AGBL1: variants seen among roughly 807,000 people sequenced by gnomAD.
The protein encoded by AGBL1 is AGBL carboxypeptidase 1, also known as cytosolic carboxypeptidase 4.
AGBL1 carries 130 observed loss-of-function variants against 118.9 expected under a neutral mutation model. The ratio of observed to expected loss-of-function variants is 1.09; its 90% confidence interval spans 0.95 to 1.26. The LOEUF (loss-of-function observed/expected upper bound fraction) is 1.26, where lower values mean the gene tolerates loss of function less well. Ranked by LOEUF, AGBL1 falls within the 50% of genes most tolerant of loss-of-function variation. The pLI is 0.00. For synonymous variants in AGBL1, 555 were observed against 478.9 expected, an observed-to-expected ratio of 1.16 and a Z score of -2.08; for missense variants, 1,584 against 1,298.1, an observed-to-expected ratio of 1.22 and a Z score of -3.38.
At chr15:86,955,988 C>T (rs1204658113) in intron 23 of AGBL1, among the ~76,000 whole-genome samples, 2 of 152,068 alleles carry the variant, frequency 1.3e-5, no homozygotes, top group African/African-American at 4.8e-5. Flanking sequence ...ATTAAGTATA[C>T]ATGTGCATGC....
chr15:86,329,987 G>C (rs753800457), intron 17 of AGBL1, among the ~76,000 whole-genome samples: 1 of 152,232 alleles, frequency 6.6e-6, no homozygotes, highest in Non-Finnish European at 1.5e-5. Flanking sequence ...GAGCCTAGGA[G>C]GTTTTCCAGA....
chr15:86,128,545 G>A (rs764520940), intron 1 of AGBL1, among the ~76,000 whole-genome samples: 38 of 152,226 alleles, frequency 2.5e-4, no homozygotes, highest in Admixed American at 5.2e-4. Context: ...ATCACCAGGC[G>A]CAGAGAATCA....
chr15:86,477,928 A>C (rs1049469289), intron 18 of AGBL1, among the ~76,000 whole-genome samples: 2 of 152,328 alleles, frequency 1.3e-5, no homozygotes, highest in African/African-American at 4.8e-5. Context: ...CTGATTCAAC[A>C]TACGCAAATC....
intron 19 of AGBL1, among the ~76,000 whole-genome samples, chr15:86,534,220 A>G (rs1158964717): frequency 6.6e-6 from 1 of 151,864 alleles, no homozygotes; most frequent in Non-Finnish European, 1.5e-5. Context: ...GGTAGAAAAT[A>G]GTAAGCACTG....
chr15:86,649,739 A>G (rs2142491143), intron 21 of AGBL1, among the ~76,000 whole-genome samples: 1 of 149,448 alleles, frequency 6.7e-6, no homozygotes, highest in South Asian at 2.1e-4. Flanking sequence ...ATTATTCTGG[A>G]GTATGCCCTT....
At chr15:86,680,546 TTC>T in intron 22 of AGBL1, among the ~76,000 whole-genome samples, 1 of 148,240 alleles carries the variant, frequency 6.7e-6, no homozygotes, top group South Asian at 2.1e-4. Flanking sequence ...CTTTTCTTTT[TTC>T]TTTCTTTCTT....
intron 21 of AGBL1, among the ~76,000 whole-genome samples, chr15:86,636,474 T>G (rs1027433150): frequency 8.2e-6 from 1 of 122,260 alleles, no homozygotes; most frequent in Non-Finnish European, 1.7e-5. Flanking sequence ...GAGAAAAGTA[T>G]TATTTAATTC....
In AGBL1 at chr15:86,785,322, T is replaced by TCAAAAGGTCTGGGAAGAGGCA. The variant is rs1304814516; in HGVS notation, c.3158+110889_3158+110909dup. Among the ~76,000 whole-genome samples, 3 of 151,142 alleles carry TCAAAAGGTCTGGGAAGAGGCA rather than the reference T, an allele frequency of 2.0e-5. No homozygotes were observed. In the South Asian group the frequency reaches 6.3e-4, roughly 32 times the overall value. On this transcript the variant is annotated intron_variant, in intron 22 of 22. Coordinates refer to ENST00000614907, the MANE Select transcript of AGBL1 (RefSeq NM_001386094.1). ...GGAATCCTTTAGGACTTTTTCTGAT[T>TCAAAAGGTCTGGGAAGAGGCA]CAAAAGGTCTGGGAAGAGGCACAGA...
chr15:86,612,892 G>A (rs1055081838), intron 21 of AGBL1, among the ~76,000 whole-genome samples: 3 of 152,166 alleles, frequency 2.0e-5, no homozygotes, highest in African/African-American at 7.2e-5. Context: ...AACTCAAGCT[G>A]ATTTCAATTC....
At chr15:86,858,875 T>G (rs1009311614) in intron 22 of AGBL1, among the ~76,000 whole-genome samples, 9 of 152,226 alleles carry the variant, frequency 5.9e-5, no homozygotes, top group African/African-American at 9.6e-5. Context: ...TTATCAGGCC[T>G]TCTTCTCAGT....
rs76520981 is a variant in AGBL1, at chr15:86,243,359, A to G, written c.527-4312A>G. On this transcript the variant is annotated intron_variant, in intron 6 of 22. Transcript: ENST00000614907. ...CACATGTGAACCTCAGTTAAGAAAT[A>G]CTTGGGGTTAAAATAAGGATATCAC... Among the ~76,000 whole-genome samples, 568 of 152,262 alleles carry G rather than the reference A, an allele frequency of 3.7e-3. 2 individuals carry two copies. The highest frequency in any genetic ancestry group is 0.013 in the African/African-American group (556 of 41,554).
intron 24 of AGBL1, among the ~76,000 whole-genome samples, chr15:87,017,621 C>T (rs1272223024): frequency 2.6e-5 from 4 of 152,058 alleles, no homozygotes; most frequent in Admixed American, 6.6e-5. Flanking sequence ...GCAAAAAGAT[C>T]CCACAAAAAC....
At chr15:86,655,247 C>G (rs1479036132) in intron 21 of AGBL1, among the ~76,000 whole-genome samples, 1 of 152,104 alleles carries the variant, frequency 6.6e-6, no homozygotes, top group Non-Finnish European at 1.5e-5. Flanking sequence ...TGTTTAAATC[C>G]TGAATATCTA....
At chr15:86,926,598 A>G (rs2080543280) in intron 23 of AGBL1, among the ~76,000 whole-genome samples, 1 of 152,252 alleles carries the variant, frequency 6.6e-6, no homozygotes, top group Admixed American at 6.5e-5. Context: ...AAGCTCTAAT[A>G]GGAATGCCAT....
chr15:86,301,929 T>C (rs2079753936), intron 17 of AGBL1, among the ~76,000 whole-genome samples: 1 of 152,154 alleles, frequency 6.6e-6, no homozygotes, highest in Non-Finnish European at 1.5e-5. Context: ...TTCTTGAGAA[T>C]ACATGAAAAG....
intron 18 of AGBL1, among the ~76,000 whole-genome samples, chr15:86,513,936 T>G (rs527787081): frequency 6.6e-6 from 1 of 152,254 alleles, no homozygotes; most frequent in Admixed American, 6.5e-5. Context: ...CACCATTATA[T>G]ATTCTGTTCC....
At chr15:86,713,960 T>C (rs1277918919) in intron 22 of AGBL1, among the ~76,000 whole-genome samples, 1 of 152,198 alleles carries the variant, frequency 6.6e-6, no homozygotes, top group Non-Finnish European at 1.5e-5. Flanking sequence ...TGTCTACGTG[T>C]GTCTTTCCTT....
Position 86,135,404 on chromosome 15 carries a change from C to G in AGBL1, c.52-6600C>G, listed in dbSNP as rs374818617. 1.7e-3 allele frequency among the ~76,000 whole-genome samples: 253 copies of G among 152,286 alleles called. 4 individuals are homozygous for G. In the South Asian group the frequency reaches 0.031, roughly 19 times the overall value. Reference sequence around the variant, plus strand: ...TCTCAAGCTTTAAAAAATAACAACACAAAAGACAGACTAAAACACTGACAC... The same window carrying G: ...TCTCAAGCTTTAAAAAATAACAACAGAAAAGACAGACTAAAACACTGACAC... On this transcript the variant is annotated intron_variant, in intron 1 of 22. Coordinates refer to ENST00000614907, the MANE Select transcript of AGBL1 (RefSeq NM_001386094.1).
At chr15:86,719,233 C>T (rs950119326) in intron 22 of AGBL1, among the ~76,000 whole-genome samples, 2 of 152,126 alleles carry the variant, frequency 1.3e-5, no homozygotes, top group African/African-American at 2.4e-5. Flanking sequence ...CCCCAGTTGA[C>T]CTACAAGAAC....
Sources: allele counts gnomAD v4.1 joint callset (sites outside exome capture counted in the v4.1 genomes callset), GRCh38; gene constraint gnomAD v4.1.1; transcripts MANE v1.5; gene names NCBI Gene and HGNC (gene_info 2026-07-23, HGNC 2026-07-21).